Variants in TXNRD1 observed in about 807,000 individuals in gnomAD.
TXNRD1 encodes the protein thioredoxin reductase 1, also known as thioredoxin reductase 1, cytoplasmic.
In TXNRD1, 57 loss-of-function variants were observed where a neutral mutation model predicts 80.3. The ratio of observed to expected loss-of-function variants is 0.71; its 90% confidence interval spans 0.57 to 0.89. The LOEUF is 0.89. Among genes scored for constraint, TXNRD1 ranks in the 40% least tolerant of loss-of-function variants. The pLI is 0.00. For synonymous variants in TXNRD1, 291 were observed against 285.2 expected, an observed-to-expected ratio of 1.02 and a Z score of -0.20; for missense variants, 730 against 803.0, an observed-to-expected ratio of 0.91 and a Z score of 1.10.
chr12:104,278,742 C>CCG (rs1464667067), intron 3 of TXNRD1, among the ~76,000 whole-genome samples: 31 of 152,126 alleles, frequency 2.0e-4, no homozygotes, highest in Non-Finnish European at 3.5e-4. Context: ...ACCTCGTGAT[C>CCG]CGCCCGCCTC....
intron 1 of TXNRD1, among the ~76,000 whole-genome samples, chr12:104,234,146 G>A (rs2032684345): frequency 6.6e-6 from 1 of 152,164 alleles, no homozygotes; most frequent in African/African-American, 2.4e-5. Context: ...CAATTTGTTT[G>A]CAAATGACAA....
At chr12:104,313,437 C>T (rs2035210574) in intron 6 of TXNRD1, 120 bp downstream of exon 6, 4 of 699,090 alleles carry the variant, frequency 5.7e-6, no homozygotes, top group South Asian at 2.2e-5. Flanking sequence ...AAAAAACAGC[C>T]CCAAAACATA....
chr12:104,216,612 C>G (rs2032220928), intron 1 of TXNRD1, among the ~76,000 whole-genome samples: 1 of 152,164 alleles, frequency 6.6e-6, no homozygotes, highest in African/African-American at 2.4e-5. Flanking sequence ...TCCAGCCATA[C>G]TGAGAGATTT....
rs373952260 is a variant in TXNRD1, at chr12:104,341,369, G to C, written c.1881+2096G>C. On this transcript the variant is annotated intron_variant, in intron 16 of 16. Coordinates refer to ENST00000525566, the MANE Select transcript of TXNRD1 (RefSeq NM_001093771.3). ...ACTCTGTGAACACACTTCTCAAGCT[G>C]TGTACACAGTGCCGTGCTGGACACT... Among the ~76,000 whole-genome samples, 19 of 152,326 alleles carry C rather than the reference G, an allele frequency of 1.2e-4. No homozygotes were observed. In the South Asian group the frequency reaches 3.9e-3, roughly 32 times the overall value.
intron 3 of TXNRD1, among the ~76,000 whole-genome samples, chr12:104,282,125 A>G (rs538958577): frequency 1.3e-5 from 2 of 152,358 alleles, no homozygotes; most frequent in Non-Finnish European, 2.9e-5. Context: ...AACAAAGAGA[A>G]GGTTAGAGGT....
At chr12:104,283,354 C>G (rs930111430) in intron 3 of TXNRD1, among the ~76,000 whole-genome samples, 2 of 152,044 alleles carry the variant, frequency 1.3e-5, no homozygotes, top group Non-Finnish European at 2.9e-5. Context: ...TGGGTTCAAG[C>G]GATTCTCCTG....
At chr12:104,283,820 A>G (rs1352506974) in intron 3 of TXNRD1, among the ~76,000 whole-genome samples, 1 of 152,232 alleles carries the variant, frequency 6.6e-6, no homozygotes, top group East Asian at 1.9e-4. Flanking sequence ...CGGTGAGCCG[A>G]GATAGTGCCA....
intron 12 of TXNRD1, among the ~76,000 whole-genome samples, chr12:104,326,936 A>G (rs140170275): frequency 6.6e-6 from 1 of 152,016 alleles, no homozygotes; most frequent in African/African-American, 2.4e-5. Context: ...CCTGTGTTCA[A>G]GTGATTCTTG....
chr12:104,330,679 CG>C (rs1353847977), intron 13 of TXNRD1, among the ~76,000 whole-genome samples: 2 of 152,002 alleles, frequency 1.3e-5, no homozygotes, highest in Non-Finnish European at 2.9e-5. Context: ...CTCTGCCTCC[CG>C]GGTTCAAGCG....
intron 4 of TXNRD1, among the ~76,000 whole-genome samples, chr12:104,305,943 G>T (rs2034896478): frequency 6.6e-6 from 1 of 151,586 alleles, no homozygotes. Context: ...TATCACTCTT[G>T]CCCAGGCTGG....
intron 3 of TXNRD1, among the ~76,000 whole-genome samples, chr12:104,269,605 G>A (rs1318644094): frequency 4.0e-5 from 6 of 151,492 alleles, no homozygotes; most frequent in Non-Finnish European, 8.8e-5. Flanking sequence ...GTCTTGCTCT[G>A]TCCCCAGGCT....
Position 104,334,304 on chromosome 12 carries a change from CA to C in TXNRD1, c.1723del (p.Ile575Ter). 6.6e-7 allele frequency: 1 copy of C among 1,523,134 alleles called. No homozygotes were observed. The highest frequency in any genetic ancestry group is 8.8e-7 in the Non-Finnish European group (1 of 1,129,968). The allele number at this position is 1,523,134 out of a possible 1,614,324, so 94.4% of individuals were successfully genotyped here. A position where few individuals can be genotyped will look rare whatever the true frequency, so the allele number is the denominator to read the frequency against. ...IPSRDNNKCY[A>X]KIICNTKDNE... ...TCAAGAGATAACAACAAATGTTATG[CA>C]AAAATAATCTGTAATACTAAAGACA... On this transcript the variant is annotated frameshift_variant, in exon 15 of 17. Coordinates refer to ENST00000525566, the MANE Select transcript of TXNRD1 (RefSeq NM_001093771.3). LOFTEE classifies it high-confidence loss of function.
intron 6 of TXNRD1, among the ~76,000 whole-genome samples, chr12:104,314,633 A>C (rs1364456776): frequency 2.6e-5 from 4 of 152,106 alleles, no homozygotes; most frequent in African/African-American, 7.2e-5. Flanking sequence ...AGGGATACTA[A>C]ACCTATTTTT....
chr12:104,258,927 A>T (rs4964732), intron 3 of TXNRD1, among the ~76,000 whole-genome samples: 141,249 of 152,166 alleles, frequency 0.93, 65,696 homozygotes, highest in East Asian at 1. Context: ...GAGACCTTGT[A>T]TCGAAAAACA....
intron 1 of TXNRD1, among the ~76,000 whole-genome samples, chr12:104,249,678 G>A (rs1593706105): frequency 1.3e-5 from 2 of 152,084 alleles, no homozygotes; most frequent in Admixed American, 1.3e-4. Context: ...GTTCACGCCT[G>A]TAATCTTAGC....
chr12:104,272,420 G>T (rs1299369658), intron 3 of TXNRD1, among the ~76,000 whole-genome samples: 5 of 152,184 alleles, frequency 3.3e-5, no homozygotes, highest in African/African-American at 9.7e-5. Context: ...AATGACTTAA[G>T]GGTGGAGCAG....
intron 14 of TXNRD1, among the ~76,000 whole-genome samples, chr12:104,333,071 T>A (rs1032856897): frequency 6.6e-6 from 1 of 151,948 alleles, no homozygotes; most frequent in Non-Finnish European, 1.5e-5. Flanking sequence ...AAATCTCCAT[T>A]TAAAAAAAAT....
chr12:104,302,769 G>A (rs1279322426), intron 4 of TXNRD1, among the ~76,000 whole-genome samples: 2 of 152,178 alleles, frequency 1.3e-5, no homozygotes, highest in African/African-American at 2.4e-5. Context: ...GATTGCAGGC[G>A]TGAGCCACCG....
chr12:104,332,876 C>A (rs1172994029), intron 14 of TXNRD1, among the ~76,000 whole-genome samples: 1 of 149,172 alleles, frequency 6.7e-6, no homozygotes, highest in African/African-American at 2.5e-5. Flanking sequence ...TGTGTATTTC[C>A]TTCCAGTTTC....
Sources: allele counts gnomAD v4.1 joint callset (sites outside exome capture counted in the v4.1 genomes callset), GRCh38; gene constraint gnomAD v4.1.1; transcripts MANE v1.5; gene names NCBI Gene and HGNC (gene_info 2026-07-23, HGNC 2026-07-21).